Variants in USH2A observed in about 807,000 individuals in gnomAD.
USH2A encodes Usher syndrome 2A (autosomal recessive, mild).
A neutral mutation model predicts 538.9 loss-of-function variants in USH2A; 443 were observed. The ratio of observed to expected loss-of-function variants is 0.82; its 90% CI spans 0.76 to 0.89. The LOEUF (loss-of-function observed/expected upper bound fraction) is 0.89, where lower values mean the gene tolerates loss of function less well. USH2A is among the 40% of genes least tolerant of loss of function. The pLI, the probability that USH2A is intolerant of heterozygous loss-of-function variation, is 0.00. For missense variants in USH2A, 6,633 were observed against 6,324.8 expected (o/e 1.05, Z -1.65); for synonymous variants, 2,413 against 2,273.5 (o/e 1.06, Z -1.75).
intron 4 of USH2A, among the ~76,000 whole-genome samples, chr1:216,356,932 T>A (rs1306004672): frequency 2.6e-5 from 4 of 152,156 alleles, no homozygotes; most frequent in African/African-American, 4.8e-5. Flanking sequence ...GCTTTTCTAG[T>A]CCTTGCCAAA....
At chr1:216,405,888 C>A (rs2039388081) in intron 3 of USH2A, among the ~76,000 whole-genome samples, 3 of 152,126 alleles carry the variant, frequency 2.0e-5, no homozygotes, top group African/African-American at 7.2e-5. Flanking sequence ...GAATGAATCC[C>A]CACGGAATTA....
intron 32 of USH2A, among the ~76,000 whole-genome samples, chr1:216,002,960 A>C (rs943754495): frequency 6.6e-6 from 1 of 152,132 alleles, no homozygotes; most frequent in African/African-American, 2.4e-5. Flanking sequence ...TATAAACTGC[A>C]TGCGTTGAAG....
At chr1:215,635,531 T>TTTTTTTTATTTA (rs371509167) in intron 69 of USH2A, among the ~76,000 whole-genome samples, 207 of 142,138 alleles carry the variant, frequency 1.5e-3, no homozygotes, top group Middle Eastern at 3.6e-3. Flanking sequence ...GTAGGATTAT[T>TTTTTTTTATTTA]TTTATTTATT....
chr1:216,107,437 C>T (rs1221284056), intron 21 of USH2A, among the ~76,000 whole-genome samples: 2 of 151,654 alleles, frequency 1.3e-5, no homozygotes, highest in Admixed American at 1.3e-4. Context: ...TTGCCACTAC[C>T]ATTTTCTTAT....
chr1:216,068,484 G>A (rs1032251736), intron 30 of USH2A, among the ~76,000 whole-genome samples: 3 of 152,152 alleles, frequency 2.0e-5, no homozygotes, highest in East Asian at 3.9e-4. Context: ...CTGATTTGGC[G>A]GGTGTGGGGT....
intron 3 of USH2A, among the ~76,000 whole-genome samples, chr1:216,404,430 G>A (rs1418574171): frequency 6.6e-6 from 1 of 151,840 alleles, no homozygotes; most frequent in Non-Finnish European, 1.5e-5. Flanking sequence ...TGTGGAATTG[G>A]TGGAAGGATA....
Position 216,078,236 on chromosome 1 carries a change from C to T in USH2A, c.5425G>A (p.Gly1809Ser), listed in dbSNP as rs758443036. The T allele has an allele frequency of 3.7e-6, 6 of 1,613,766 alleles. No homozygotes were observed. Among genetic ancestry groups the T allele is most frequent in the Non-Finnish European group, 5.1e-6 (6 of 1,179,828 alleles). ...KWNKVIIKKE[G>S]SFISASVNGL... ...TTCACACTTGCTGATATGAAAGAGC[C>T]TTCCTTTTTAATAATGACTTTATTC... The change falls in exon 27 of 72, where the codon GGC becomes AGC. Residue 1809 changes from glycine to serine, a missense_variant. Gly to Ser is a moderately conservative substitution (Grantham distance 56). Coordinates refer to ENST00000307340, the MANE Select transcript of USH2A (RefSeq NM_206933.4).
intron 32 of USH2A, among the ~76,000 whole-genome samples, chr1:216,019,429 T>C (rs1026577679): frequency 7.9e-5 from 12 of 152,154 alleles, no homozygotes; most frequent in African/African-American, 2.7e-4. Flanking sequence ...ATGAATGCAA[T>C]GGATGATAAA....
chr1:216,359,541 A>G (rs971757651), intron 4 of USH2A, among the ~76,000 whole-genome samples: 4 of 152,126 alleles, frequency 2.6e-5, no homozygotes, highest in African/African-American at 7.2e-5. Context: ...TATCAAAAAT[A>G]TATACCTTCT....
At chr1:216,191,073 T>C (rs1376191264) in intron 19 of USH2A, among the ~76,000 whole-genome samples, 2 of 151,972 alleles carry the variant, frequency 1.3e-5, no homozygotes, top group Admixed American at 6.6e-5. Context: ...ACAATTAACA[T>C]TGAGAGTTGG....
intron 69 of USH2A, among the ~76,000 whole-genome samples, chr1:215,636,794 A>G (rs1656508974): frequency 6.6e-6 from 1 of 152,072 alleles, no homozygotes; most frequent in South Asian, 2.1e-4. Flanking sequence ...TACATCATGA[A>G]AATTAGAACT....
chr1:216,098,353 T>C (rs191736362), intron 21 of USH2A, among the ~76,000 whole-genome samples: 1 of 152,342 alleles, frequency 6.6e-6, no homozygotes, highest in African/African-American at 2.4e-5. Context: ...CTCAAGACCA[T>C]ATATGAAAAT....
intron 67 of USH2A, among the ~76,000 whole-genome samples, chr1:215,647,224 A>G (rs1656882376): frequency 1.3e-5 from 2 of 152,318 alleles, no homozygotes; most frequent in East Asian, 1.9e-4. Context: ...TCTTATAAAA[A>G]TGGTCTACCA....
intron 21 of USH2A, among the ~76,000 whole-genome samples, chr1:216,133,597 G>A (rs1232635941): frequency 6.6e-6 from 1 of 152,076 alleles, no homozygotes; most frequent in Non-Finnish European, 1.5e-5. Flanking sequence ...GAAGCTGAGG[G>A]AAGAGAAAGC....
rs867139402 is a variant in USH2A, at chr1:216,418,688, G to A, written c.486-9C>T. On this transcript the variant is annotated splice_polypyrimidine_tract_variant and intron_variant, in intron 2 of 71. Transcript: ENST00000307340. ...TCTTTTCTATAACACACCTTAGGAA[G>A]CAACCGGAAAAGAGAGAAAAGGTCA... The A allele has an allele frequency of 8.7e-6, 14 of 1,612,600 alleles. No homozygotes were observed. In the African/African-American group the frequency reaches 1.3e-4, roughly 15 times the overall value.
At chr1:215,748,614 G>A (rs12141500) in intron 58 of USH2A, among the ~76,000 whole-genome samples, 37,796 of 152,016 alleles carry the variant, frequency 0.25, 4,987 homozygotes, top group East Asian at 0.38. Flanking sequence ...AAGTTTGACA[G>A]ACACACATTC....
intron 32 of USH2A, among the ~76,000 whole-genome samples, chr1:216,022,222 G>A (rs757962453): frequency 6.6e-6 from 1 of 152,004 alleles, no homozygotes; most frequent in Non-Finnish European, 1.5e-5. Flanking sequence ...TTCCTTTATA[G>A]GAACACTAAA....
chr1:215,999,847 A>G (rs758806411), intron 33 of USH2A, among the ~76,000 whole-genome samples: 8 of 152,164 alleles, frequency 5.3e-5, no homozygotes, highest in Non-Finnish European at 1.2e-4. Context: ...TTTTACAGAT[A>G]AGAAAACTGA....
intron 29 of USH2A, among the ~76,000 whole-genome samples, chr1:216,071,081 G>A (rs905014884): frequency 6.6e-6 from 1 of 152,118 alleles, no homozygotes; most frequent in African/African-American, 2.4e-5. Context: ...CATCACAGCT[G>A]AGTGCACTGG....
Sources: gnomAD v4.1 joint callset for allele counts (sites outside exome capture counted in the v4.1 genomes callset) on GRCh38, gnomAD v4.1.1 for gene constraint, MANE v1.5 for transcripts, NCBI Gene and HGNC (gene_info 2026-07-23, HGNC 2026-07-21) for gene names.